The following WDFY3 variants were observed in gnomAD, a reference collection of about 807,000 sequenced individuals.
WDFY3 encodes the protein WD repeat and FYVE domain containing 3.
In WDFY3, 66 loss-of-function variants were observed where a neutral mutation model predicts 409.6. The observed-to-expected ratio is 0.16, with a 90% CI of 0.13 to 0.20. WDFY3 has a LOEUF of 0.20. Ranked by LOEUF, WDFY3 falls within the 10% of genes least tolerant of loss-of-function variation. The probability of loss-of-function intolerance (pLI) is 1.00; values close to 1 mark genes in which losing one functional copy is unlikely to be tolerated. For missense variants in WDFY3, 3,031 were observed against 4,298.1 expected, an observed-to-expected ratio of 0.71 and a Z score of 8.24; for synonymous variants, 1,521 against 1,537.1, an observed-to-expected ratio of 0.99 and a Z score of 0.25.
At chr4:84,718,220 T>G (rs1734285215) in intron 48 of WDFY3, among the ~76,000 whole-genome samples, 2 of 152,106 alleles carry the variant, frequency 1.3e-5, no homozygotes, top group South Asian at 4.1e-4. Context: ...TTAGCTTTCA[T>G]CTTGATAAAT....
chr4:84,824,608 C>A (rs1389353694), intron 10 of WDFY3, among the ~76,000 whole-genome samples: 2 of 152,294 alleles, frequency 1.3e-5, no homozygotes, highest in East Asian at 1.9e-4. Flanking sequence ...GGAGGACTGA[C>A]TGCAAGGAGA....
intron 3 of WDFY3, among the ~76,000 whole-genome samples, chr4:84,862,719 G>A (rs1328948680): frequency 6.6e-6 from 1 of 152,078 alleles, no homozygotes; most frequent in Non-Finnish European, 1.5e-5. Context: ...TGGGCGCGGC[G>A]GCTGACGCCT....
intron 32 of WDFY3, among the ~76,000 whole-genome samples, chr4:84,760,653 C>T (rs1450194095): frequency 6.6e-6 from 1 of 151,808 alleles, no homozygotes; most frequent in African/African-American, 2.4e-5. Flanking sequence ...GTGGTGATAT[C>T]CCCTTTATCA....
chr4:84,946,197 G>A (rs1223006425), intron 1 of WDFY3, among the ~76,000 whole-genome samples: 3 of 152,234 alleles, frequency 2.0e-5, no homozygotes, highest in African/African-American at 7.2e-5. Flanking sequence ...GACACTAGCA[G>A]AAGGTAACAG....
intron 3 of WDFY3, among the ~76,000 whole-genome samples, chr4:84,867,165 T>G (rs1009299301): frequency 1.3e-5 from 2 of 152,198 alleles, no homozygotes; most frequent in African/African-American, 4.8e-5. Flanking sequence ...AAATGTTATC[T>G]TTTCTTCCTT....
chr4:84,851,424 T>C (rs894242204), intron 4 of WDFY3, among the ~76,000 whole-genome samples: 1 of 152,184 alleles, frequency 6.6e-6, no homozygotes, highest in Non-Finnish European at 1.5e-5. Context: ...TAATGCTCCC[T>C]AAATATGGTT....
chr4:84,707,182 G>A (rs554894172), intron 53 of WDFY3, among the ~76,000 whole-genome samples: 76 of 152,018 alleles, frequency 5.0e-4, no homozygotes, highest in African/African-American at 1.8e-3. Flanking sequence ...TGCCCTCCTC[G>A]GCCTCCCAAA....
intron 63 of WDFY3, among the ~76,000 whole-genome samples, chr4:84,683,477 A>T (rs896943812): frequency 4.6e-5 from 7 of 152,236 alleles, no homozygotes; most frequent in African/African-American, 1.4e-4. Context: ...TAGCAACCTA[A>T]GAAAAGGATA....
chr4:84,689,012 G>A (rs1413605900), intron 61 of WDFY3, among the ~76,000 whole-genome samples: 1 of 152,186 alleles, frequency 6.6e-6, no homozygotes, highest in Non-Finnish European at 1.5e-5. Flanking sequence ...ACTTAGAATG[G>A]GCCATCTGCC....
intron 5 of WDFY3, among the ~76,000 whole-genome samples, chr4:84,846,944 GAGA>G (rs1321798731): frequency 1.3e-5 from 2 of 152,008 alleles, no homozygotes; most frequent in African/African-American, 4.8e-5. Flanking sequence ...CAACTACACA[GAGA>G]AGGACTGGTG....
intron 2 of WDFY3, among the ~76,000 whole-genome samples, chr4:84,922,223 T>C (rs1253632901): frequency 2.0e-5 from 3 of 152,156 alleles, no homozygotes; most frequent in Admixed American, 1.3e-4. Flanking sequence ...TAAACATTTA[T>C]TGATATTTTA....
At chr4:84,960,878 G>C (rs374898218) in intron 1 of WDFY3, among the ~76,000 whole-genome samples, 1 of 152,110 alleles carries the variant, frequency 6.6e-6, no homozygotes, top group Non-Finnish European at 1.5e-5. Context: ...ATTAAATGTT[G>C]ATATGAGCTA....
At chr4:84,958,868 T>C (rs1021879534) in intron 1 of WDFY3, among the ~76,000 whole-genome samples, 4 of 152,206 alleles carry the variant, frequency 2.6e-5, no homozygotes, top group African/African-American at 9.7e-5. Flanking sequence ...CTTGGCTGCC[T>C]CAAATCTCTT....
chr4:84,965,220 TTTA>T (rs1304304936), intron 1 of WDFY3, among the ~76,000 whole-genome samples: 1 of 152,224 alleles, frequency 6.6e-6, no homozygotes, highest in Admixed American at 6.5e-5. Flanking sequence ...TATGCCACTA[TTTA>T]AAAAGCCCGA....
At chr4:84,719,203 A>C in intron 47 of WDFY3, among the ~76,000 whole-genome samples, 1 of 152,204 alleles carries the variant, frequency 6.6e-6, no homozygotes, top group East Asian at 1.9e-4. Flanking sequence ...CCCCCTGGAA[A>C]TGGAACTGTA....
chr4:84,713,044 A>G (rs1454318213), intron 51 of WDFY3, 115 bp downstream of exon 51: 1 of 1,117,638 alleles, frequency 8.9e-7, no homozygotes, highest in Middle Eastern at 2.1e-4. Context: ...TTTTTAAAAA[A>G]ATTTGCAACC....
At chr4:84,782,382 T>A (rs555744594) in intron 25 of WDFY3, among the ~76,000 whole-genome samples, 13 of 152,152 alleles carry the variant, frequency 8.5e-5, no homozygotes, top group South Asian at 8.3e-4. Flanking sequence ...TTTTTTTTTT[T>A]ATTTTACTTT....
chr4:84,708,743 G>A (rs937031870), intron 53 of WDFY3, among the ~76,000 whole-genome samples, 166 bp downstream of exon 53: 2 of 152,026 alleles, frequency 1.3e-5, no homozygotes. Context: ...GTTTCGCCCT[G>A]TTTCTCTGGC....
intron 32 of WDFY3, among the ~76,000 whole-genome samples, chr4:84,764,565 G>C (rs551659958): frequency 6.6e-6 from 1 of 152,126 alleles, no homozygotes; most frequent in Middle Eastern, 3.4e-3. Flanking sequence ...TATGTTGAAA[G>C]ACCTGTCTTC....
Sources: gnomAD v4.1 joint callset for allele counts (sites outside exome capture counted in the v4.1 genomes callset) on GRCh38, gnomAD v4.1.1 for gene constraint, MANE v1.5 for transcripts, NCBI Gene and HGNC (gene_info 2026-07-23, HGNC 2026-07-21) for gene names.